Variants in GPR108 observed in about 807,000 individuals in gnomAD.
The protein encoded by GPR108 is G protein-coupled receptor 108.
A neutral mutation model predicts 74.3 loss-of-function variants in GPR108; 60 were observed. The observed-to-expected ratio is 0.81, with a 90% confidence interval of 0.66 to 1.00. The LOEUF (loss-of-function observed/expected upper bound fraction) is 1.00, where lower values mean the gene tolerates loss of function less well. Among genes scored for constraint, GPR108 ranks in the 50% least tolerant of loss-of-function variants. GPR108 has a pLI of 0.00. For synonymous variants in GPR108, 311 were observed against 292.4 expected (o/e 1.06, Z -0.65); for missense variants, 667 against 703.3 (o/e 0.95, Z 0.58).
chr19:6,730,846 C>A, intron 17 of GPR108, 141 bp downstream of exon 17: 1 of 962,544 alleles, frequency 1.0e-6, no homozygotes. Flanking sequence ...TCCCCTCCAT[C>A]CCTTCTCAAC....
At chr19:6,733,743 G>T (rs1296954099) in intron 7 of GPR108, 69 bp from the exon 8 acceptor site, 10 of 1,578,386 alleles carry the variant, frequency 6.3e-6, no homozygotes, top group Admixed American at 1.7e-5. Context: ...ATCAGCTTGG[G>T]GGTCCCATGG....
At chr19:6,732,749 A>G (rs1690635) in intron 10 of GPR108, 200 bp from the exon 11 acceptor site, 584,832 of 658,408 alleles carry the variant, frequency 0.89, 260,235 homozygotes, top group East Asian at 0.98. Context: ...AGGGGTGAAT[A>G]GTTGGACAAT....
At chr19:6,731,634 G>T (rs1038739292) in intron 14 of GPR108, 112 bp from the exon 15 acceptor site, 40 of 989,030 alleles carry the variant, frequency 4.0e-5, no homozygotes, top group Admixed American at 8.6e-5. Flanking sequence ...GTGTCCAGGA[G>T]CAGCAAGTCT....
Position 6,730,974 on chromosome 19 carries a change from G to A in GPR108, c.1559+13C>T. On this transcript the variant is annotated intron_variant, in intron 17 of 17. Coordinates refer to ENST00000264080, the MANE Select transcript of GPR108 (RefSeq NM_001080452.2). ...CCCAGAGCCGCCGGCCCTGCCCATG[G>A]TGCCCAGCTCACACTTGCTCCATCT... The A allele has an allele frequency of 6.2e-7, 1 of 1,611,696 alleles. No homozygotes were observed. The highest frequency in any genetic ancestry group is 8.5e-7 in the Non-Finnish European group (1 of 1,179,146).
In GPR108 at chr19:6,732,362, G is replaced by A. The variant is rs768400221; in HGVS notation, c.1026C>T (p.Leu342=). 1.9e-6 allele frequency: 3 copies of A among 1,613,570 alleles called. No homozygotes were observed. Among genetic ancestry groups the A allele is most frequent in the Admixed American group, 1.7e-5 (1 of 60,038 alleles). ...AGCCAATCAGGGCGATGGTGATGAAGAGGAGGGCGCCCTTCAGCCTGAAGG... is the reference window on the plus strand; with the variant it reads ...AGCCAATCAGGGCGATGGTGATGAAAAGGAGGGCGCCCTTCAGCCTGAAGG... The part of the protein sequence containing the change: ...YIAHLLKGAL[L]FITIALIGSG... Residue 342 remains leucine, a synonymous_variant, in exon 12 of 18, where the codon CTC becomes CTT. Coordinates refer to ENST00000264080, the MANE Select transcript of GPR108 (RefSeq NM_001080452.2).
Position 6,730,137 on chromosome 19 carries a change from TG to T in GPR108, c.*174del, listed in dbSNP as rs533598240. Reference sequence around the variant, plus strand: ...GGTAAGGACAGGGCTGCCCAATATTTGGGGGGAGGAAGGGACTCTTCTTCCA... The same window carrying T: ...GGTAAGGACAGGGCTGCCCAATATTTGGGGGAGGAAGGGACTCTTCTTCCA... On this transcript the variant is annotated 3_prime_UTR_variant, in exon 18 of 18. Coordinates refer to ENST00000264080, the MANE Select transcript of GPR108 (RefSeq NM_001080452.2). 3.1e-5 allele frequency: 20 copies of T among 636,002 alleles called. No individual in the cohort carries two copies. The highest frequency in any genetic ancestry group is 1.6e-4 in the South Asian group (9 of 54,552). The allele number at this position is 636,002 out of a possible 1,614,324, so 39.4% of individuals were successfully genotyped here.
chr19:6,732,010 G>A lies in GPR108; in HGVS notation c.1256+15C>T, dbSNP rs755028706. Reference sequence around the variant, plus strand: ...TGCACAGGGCAGAGCCTCAGCCCGGGGGCAGGGTCCTCACCAGACTACGGG... The same window carrying A: ...TGCACAGGGCAGAGCCTCAGCCCGGAGGCAGGGTCCTCACCAGACTACGGG... On this transcript the variant is annotated intron_variant, in intron 13 of 17. Coordinates refer to ENST00000264080, the MANE Select transcript of GPR108 (RefSeq NM_001080452.2). The A allele has an allele frequency of 1.2e-5, 20 of 1,613,728 alleles. No homozygotes were observed. Among genetic ancestry groups the A allele is most frequent in the Non-Finnish European group, 1.6e-5 (19 of 1,179,956 alleles).
intron 1 of GPR108, 121 bp from the exon 2 acceptor site, chr19:6,736,832 G>A: frequency 7.3e-7 from 1 of 1,377,662 alleles, no homozygotes; most frequent in Non-Finnish European, 9.9e-7. Context: ...GACAGGCCCA[G>A]AGGATGACAA....
At chr19:6,731,788 G>A in intron 14 of GPR108, 103 bp downstream of exon 14, 1 of 1,355,672 alleles carries the variant, frequency 7.4e-7, no homozygotes, top group East Asian at 2.3e-5. Flanking sequence ...CAGAGGCCTG[G>A]GGGCTGGGCA....
At chr19:6,732,846 G>A in intron 10 of GPR108, 141 bp downstream of exon 10, 1 of 736,086 alleles carries the variant, frequency 1.4e-6, no homozygotes, top group Non-Finnish European at 2.3e-6. Context: ...ATGGGTGACT[G>A]GCCACACTGG....
intron 12 of GPR108, 40 bp from the exon 13 acceptor site, chr19:6,732,195 G>C (rs370736963): frequency 8.7e-6 from 14 of 1,612,332 alleles, no homozygotes; most frequent in Non-Finnish European, 1.1e-5. Flanking sequence ...TGCCTGGCAC[G>C]CTCCCCTTTG....
chr19:6,731,418 C>T (rs1247778100), intron 15 of GPR108, 55 bp downstream of exon 15: 17 of 1,499,646 alleles, frequency 1.1e-5, no homozygotes, highest in East Asian at 6.9e-5. Flanking sequence ...CTGGGGTGGG[C>T]GTGCAGCAGG....
chr19:6,732,131 T>C lies in GPR108; in HGVS notation c.1150A>G (p.Ile384Val). Residue 384 changes from isoleucine (I) to valine (V), a missense_variant, in exon 13 of 18, where the codon ATC becomes GTC. Ile to Val is a conservative substitution (Grantham distance 29, BLOSUM62 3). Transcript: ENST00000264080. ...MQVLANVAYI[I>V]IESREEGASD... ...GCGCCTTCCTCGCGGGACTCGATGA[T>C]GATGTAGGCCACGTTGGCCAGGACC... 1 of 1,613,592 alleles carries C rather than the reference T, an allele frequency of 6.2e-7. No homozygotes were observed. The highest frequency in any genetic ancestry group is 1.7e-5 in the Admixed American group (1 of 60,018).
chr19:6,734,179 T>C lies in GPR108; in HGVS notation c.499+4A>G, dbSNP rs1968538257. Reference sequence around the variant, plus strand: ...CCCCCGTCTGCACAGCCAGCCTGACTCACCGCCATCCACCTTGCGGGGGAC... The same window carrying C: ...CCCCCGTCTGCACAGCCAGCCTGACCCACCGCCATCCACCTTGCGGGGGAC... On this transcript the variant is annotated splice_donor_region_variant and intron_variant, in intron 5 of 17. Coordinates refer to ENST00000264080, the MANE Select transcript of GPR108 (RefSeq NM_001080452.2). 6.2e-7 allele frequency: 1 copy of C among 1,614,188 alleles called. No homozygotes were observed. Among genetic ancestry groups the C allele is most frequent in the Non-Finnish European group, 8.5e-7 (1 of 1,180,028 alleles).
chr19:6,730,235 C>T lies in GPR108; in HGVS notation c.*77G>A, dbSNP rs1287047199. On this transcript the variant is annotated 3_prime_UTR_variant, in exon 18 of 18. Coordinates refer to ENST00000264080, the MANE Select transcript of GPR108 (RefSeq NM_001080452.2). ...TCCACATGGACCCCCTCCACCTCCCCACATACGCTGTGGAAGAAGGGCAGG... is the reference window on the plus strand; with the variant it reads ...TCCACATGGACCCCCTCCACCTCCCTACATACGCTGTGGAAGAAGGGCAGG... The T allele has an allele frequency of 7.2e-7, 1 of 1,394,524 alleles. No homozygotes were observed. The highest frequency in any genetic ancestry group is 1.0e-6 in the Non-Finnish European group (1 of 980,420). 86.4% of individuals were successfully genotyped at this position (1,394,524 alleles called of 1,614,324 possible).
chr19:6,732,187 C>T lies in GPR108; in HGVS notation c.1126-32G>A, dbSNP rs770906290. The T allele has an allele frequency of 8.7e-6, 14 of 1,612,622 alleles. No homozygotes were observed. In the South Asian group the frequency reaches 1.4e-4, roughly 16 times the overall value. ...AGGCGGCGGGGGTGGGTGGGCACTG[C>T]CTGGCACGCTCCCCTTTGCCCCCAC... On this transcript the variant is annotated intron_variant, in intron 12 of 17. Transcript: ENST00000264080.
chr19:6,735,181 G>A (rs1221367890), intron 4 of GPR108, among the ~76,000 whole-genome samples: 1 of 152,142 alleles, frequency 6.6e-6, no homozygotes, highest in Non-Finnish European at 1.5e-5. Context: ...GTAAGCCACT[G>A]CCTGGCCCTA....
rs1968399850 is a variant in GPR108 at position 6,731,497 on chromosome 19, C to T, written c.1326G>A (p.Lys442=). 3.5e-6 allele frequency: 5 copies of T among 1,437,848 alleles called. No homozygotes were observed. The highest frequency in any genetic ancestry group is 4.4e-5 in the Admixed American group (2 of 45,322). 89.1% of individuals were successfully genotyped at this position (1,437,848 alleles called of 1,614,324 possible). A position where few individuals can be genotyped will look rare whatever the true frequency, so the allele number is the denominator to read the frequency against. The part of the protein sequence containing the change: ...GKVAVNLAKL[K]LFRHYYVMVI... ...CCATGACATAGTAATGCCGGAACAGCTTCAGCTTGGCCAGGTTCACTGCCA... is the reference window on the plus strand; with the variant it reads ...CCATGACATAGTAATGCCGGAACAGTTTCAGCTTGGCCAGGTTCACTGCCA... The change falls in exon 15 of 18, where the codon AAG becomes AAA. Residue 442 remains lysine, a synonymous_variant. Transcript: ENST00000264080.
chr19:6,731,828 G>C, intron 14 of GPR108, 63 bp downstream of exon 14: 9 of 1,588,158 alleles, frequency 5.7e-6, no homozygotes, highest in Non-Finnish European at 7.7e-6. Flanking sequence ...CCAAGGGGCA[G>C]AAAGAAGGGC....
Sources: allele counts gnomAD v4.1 joint callset (sites outside exome capture counted in the v4.1 genomes callset), GRCh38; gene constraint gnomAD v4.1.1; transcripts MANE v1.5; gene names NCBI Gene and HGNC (gene_info 2026-07-23, HGNC 2026-07-21).